GRIN3A: variants seen among roughly 807,000 people sequenced by gnomAD.
GRIN3A encodes glutamate receptor ionotropic, NMDA 3A.
GRIN3A carries 47 observed loss-of-function variants against 92.4 expected under a neutral mutation model. The ratio of observed to expected loss-of-function variants is 0.51; its 90% CI spans 0.40 to 0.65. GRIN3A has a LOEUF of 0.65. Ranked by LOEUF, GRIN3A falls within the 30% of genes least tolerant of loss-of-function variation. The pLI, the probability that GRIN3A is intolerant of heterozygous loss-of-function variation, is 0.00. For missense variants in GRIN3A, 1,324 were observed against 1,393.1 expected (o/e 0.95, Z 0.79); for synonymous variants, 527 against 540.6 (o/e 0.97, Z 0.35).
At chr9:101,686,556 G>A (rs377218172) in intron 2 of GRIN3A, 40 bp downstream of exon 2, 9 of 1,610,070 alleles carry the variant, frequency 5.6e-6, no homozygotes, top group African/African-American at 2.7e-5. Context: ...CTCTGTCATG[G>A]CCCTATGAAT....
intron 1 of GRIN3A, among the ~76,000 whole-genome samples, chr9:101,734,875 T>C (rs1037664816): frequency 2.0e-5 from 3 of 151,966 alleles, no homozygotes; most frequent in Admixed American, 1.3e-4. Flanking sequence ...ACCAACAAAT[T>C]AGGTCACTGG....
At chr9:101,667,457 A>G (rs771117736) in intron 3 of GRIN3A, among the ~76,000 whole-genome samples, 114 of 152,046 alleles carry the variant, frequency 7.5e-4, no homozygotes, top group Non-Finnish European at 1.0e-3. Flanking sequence ...TTGAACTTGG[A>G]CAGTACTTCA....
intron 3 of GRIN3A, among the ~76,000 whole-genome samples, chr9:101,659,055 A>T (rs1379782303): frequency 6.6e-6 from 1 of 151,924 alleles, no homozygotes; most frequent in East Asian, 1.9e-4. Context: ...CGTATATTTT[A>T]GACACAAAAG....
intron 7 of GRIN3A, among the ~76,000 whole-genome samples, 188 bp downstream of exon 7, chr9:101,579,008 T>C (rs1740856181): frequency 6.6e-6 from 1 of 152,210 alleles, no homozygotes; most frequent in South Asian, 2.1e-4. Context: ...CACTGTGGGA[T>C]GCCTTAATTT....
At position 101,737,617 on chromosome 9, in the gene GRIN3A, G is replaced by A; in HGVS notation, c.363C>T (p.Ala121=). 1 of 1,613,194 alleles carries A rather than the reference G, an allele frequency of 6.2e-7. No homozygotes were observed. The highest frequency in any genetic ancestry group is 8.5e-7 in the Non-Finnish European group (1 of 1,179,926). ...RKPGEGARAE[A]LWPRDALLFA... ...ATAGGAGGGCGTCCCGTGGCCACAG[G>A]GCCTCCGCCCTGGCGCCCTCCCCGG... The change falls in exon 1 of 9, where the codon GCC becomes GCT. Residue 121 remains alanine (A), a synonymous_variant. Transcript: ENST00000361820.
chr9:101,638,964 T>C (rs929724327), intron 3 of GRIN3A, among the ~76,000 whole-genome samples: 31 of 152,354 alleles, frequency 2.0e-4, no homozygotes, highest in Middle Eastern at 3.4e-3. Flanking sequence ...GTAGCTATCA[T>C]TGATTGTGCT....
chr9:101,708,156 A>G (rs778926881), intron 1 of GRIN3A, among the ~76,000 whole-genome samples: 1 of 152,194 alleles, frequency 6.6e-6, no homozygotes, highest in Non-Finnish European at 1.5e-5. Context: ...ATATTTTTCA[A>G]TCAGAAGGGT....
intron 1 of GRIN3A, among the ~76,000 whole-genome samples, chr9:101,694,895 A>G (rs1829665165): frequency 6.6e-6 from 1 of 152,182 alleles, no homozygotes; most frequent in Non-Finnish European, 1.5e-5. Context: ...AATGAAATCC[A>G]AAACCTTGGT....
chr9:101,597,328 G>A lies in GRIN3A; in HGVS notation c.2766+16048C>T, dbSNP rs148195868. Among the ~76,000 whole-genome samples the A allele has an allele frequency of 6.3e-3, 961 of 152,226 alleles. 9 individuals carry two copies. The highest frequency in any genetic ancestry group is 8.5e-3 in the Non-Finnish European group (581 of 68,006). ...TGGAGCTGGTCGGGGGGAAGTGGGG[G>A]CTGGGTAGGAAGAGCAGGTACCAAA... On this transcript the variant is annotated intron_variant, in intron 6 of 8. Coordinates refer to ENST00000361820, the MANE Select transcript of GRIN3A (RefSeq NM_133445.3).
intron 1 of GRIN3A, among the ~76,000 whole-genome samples, chr9:101,694,474 C>CT (rs758003468): frequency 2.6e-5 from 4 of 152,140 alleles, no homozygotes; most frequent in African/African-American, 9.7e-5. Flanking sequence ...TAATCATGGA[C>CT]TTTTTTCCCA....
At chr9:101,606,906 ATTTTT>A (rs536780165) in intron 6 of GRIN3A, among the ~76,000 whole-genome samples, 17 of 86,212 alleles carry the variant, frequency 2.0e-4, no homozygotes, top group South Asian at 9.1e-4. Flanking sequence ...AAAAAATTAC[ATTTTT>A]TTTTTTTTTT....
In GRIN3A at chr9:101,670,215, C is replaced by T. The variant is rs1829298738; in HGVS notation, c.2197G>A (p.Ala733Thr). The T allele has an allele frequency of 6.2e-7, 1 of 1,614,010 alleles. No homozygotes were observed. Among genetic ancestry groups the T allele is most frequent in the Non-Finnish European group, 8.5e-7 (1 of 1,179,946 alleles). ...GTCCAACATTTTGGAGGTTTGATGG[C>T]CACTGTTCTGCCAAACAAGAGGGCA... The part of the protein sequence containing the change: ...CYALLFGRTV[A>T]IKPPKCWTGR... The change falls in exon 3 of 9, where the codon GCC becomes ACC. Residue 733 changes from alanine to threonine, a missense_variant. Ala to Thr is a moderately conservative substitution (Grantham distance 58, BLOSUM62 0). Transcript: ENST00000361820.
intron 6 of GRIN3A, chr9:101,594,941 C>T: frequency 6.3e-7 from 1 of 1,592,206 alleles, no homozygotes. Flanking sequence ...CTGGCAACGG[C>T]CACGGCTCAA....
intron 3 of GRIN3A, among the ~76,000 whole-genome samples, chr9:101,631,264 T>TTCTTTG: frequency 6.6e-6 from 1 of 152,334 alleles, no homozygotes; most frequent in African/African-American, 2.4e-5. Flanking sequence ...AATTGATAAC[T>TTCTTTG]GTTCTTTGAA....
At chr9:101,613,271 G>A in intron 6 of GRIN3A, 105 bp downstream of exon 6, 1 of 1,210,394 alleles carries the variant, frequency 8.3e-7, no homozygotes, top group Non-Finnish European at 1.2e-6. Flanking sequence ...CAAGAGTCTA[G>A]TAAATGCAAT....
chr9:101,667,116 C>T (rs1829249094), intron 3 of GRIN3A, among the ~76,000 whole-genome samples: 2 of 151,938 alleles, frequency 1.3e-5, no homozygotes, highest in South Asian at 4.1e-4. Flanking sequence ...GTAACCTATG[C>T]TGTAGCTAAA....
At chr9:101,641,567 G>A (rs1163920642) in intron 3 of GRIN3A, among the ~76,000 whole-genome samples, 1 of 151,886 alleles carries the variant, frequency 6.6e-6, no homozygotes, top group Admixed American at 6.6e-5. Flanking sequence ...ACTCATTGGT[G>A]GGAATTGAAC....
chr9:101,631,968 C>T (rs1351388593), intron 3 of GRIN3A, among the ~76,000 whole-genome samples: 1 of 152,138 alleles, frequency 6.6e-6, no homozygotes, highest in African/African-American at 2.4e-5. Flanking sequence ...ATCAATGGCT[C>T]CCCCATGGCC....
At position 101,731,715 on chromosome 9, in the gene GRIN3A, A is replaced by G. The variant is rs545869794; in HGVS notation, c.699+5566T>C. On this transcript the variant is annotated intron_variant, in intron 1 of 8. Coordinates refer to ENST00000361820, the MANE Select transcript of GRIN3A (RefSeq NM_133445.3). ...TGACAGTCTCCCTGAAAGTGCATGA[A>G]TCTTACACAATTAAATAAAATATCT... Among the ~76,000 whole-genome samples, 14 of 152,314 alleles carry G rather than the reference A, an allele frequency of 9.2e-5. No individual in the cohort carries two copies. The East Asian group carries it at 2.7e-3, about 29-fold the overall frequency.
Sources: allele counts gnomAD v4.1 joint callset (sites outside exome capture counted in the v4.1 genomes callset), GRCh38; gene constraint gnomAD v4.1.1; transcripts MANE v1.5; gene names NCBI Gene and HGNC (gene_info 2026-07-23, HGNC 2026-07-21).